The following LITAF variants were observed in gnomAD, a reference collection of about 807,000 sequenced individuals.
LITAF encodes the protein lipopolysaccharide-induced tumor necrosis factor-alpha factor.
In LITAF, 9 loss-of-function variants were observed where a neutral mutation model predicts 14.5. The ratio of observed to expected loss-of-function variants is 0.62; its 90% CI spans 0.37 to 1.08. LITAF has a LOEUF of 1.08. LITAF is among the 50% of genes least tolerant of loss of function. LITAF has a pLI of 0.01. For synonymous variants in LITAF, 98 were observed against 88.2 expected, an observed-to-expected ratio of 1.11 and a Z score of -0.62; for missense variants, 206 against 213.4, an observed-to-expected ratio of 0.97 and a Z score of 0.22.
intron 1 of LITAF, among the ~76,000 whole-genome samples, chr16:11,583,291 TCA>T (rs1181286936): frequency 2.0e-5 from 3 of 152,186 alleles, no homozygotes; most frequent in African/African-American, 7.2e-5. Context: ...TAATGACAAA[TCA>T]CAGTGATTTG....
chr16:11,635,081 AAATAAAAT>A (rs1436808971), intron 2 of LITAF, among the ~76,000 whole-genome samples: 3 of 129,084 alleles, frequency 2.3e-5, no homozygotes, highest in Non-Finnish European at 5.2e-5. Flanking sequence ...AAATAAAATA[AAATAAAAT>A]AAAACTCCAG....
intron 3 of LITAF, among the ~76,000 whole-genome samples, chr16:11,618,977 G>A (rs1468219557): frequency 2.9e-5 from 4 of 139,130 alleles, no homozygotes; most frequent in Admixed American, 2.8e-4. Context: ...AGCTAGACTC[G>A]GTCTTAAAAA....
intron 1 of LITAF, among the ~76,000 whole-genome samples, chr16:11,576,672 C>T (rs2064642066): frequency 6.6e-6 from 1 of 152,038 alleles, no homozygotes; most frequent in South Asian, 2.1e-4. Context: ...GGCTCCATCC[C>T]ACCAACACAA....
chr16:11,619,740 A>T (rs577222346), intron 3 of LITAF, among the ~76,000 whole-genome samples: 3 of 152,170 alleles, frequency 2.0e-5, no homozygotes, highest in East Asian at 1.9e-4. Context: ...TTAATTTTTT[A>T]AAATTTTTCT....
chr16:11,588,318 G>A (rs1221818724), upstream of LITAF, among the ~76,000 whole-genome samples: 1 of 152,012 alleles, frequency 6.6e-6, no homozygotes, highest in Non-Finnish European at 1.5e-5. Flanking sequence ...AACATAGTGA[G>A]ACTCCATCTC....
intron 1 of LITAF, among the ~76,000 whole-genome samples, chr16:11,593,463 T>C (rs553292988): frequency 6.6e-6 from 1 of 151,210 alleles, no homozygotes; most frequent in South Asian, 2.1e-4. Context: ...ATGCTATAGC[T>C]ACTGTTCCAC....
At position 11,634,458 on chromosome 16, in the gene LITAF, T is replaced by C. The variant is rs2065130531; in HGVS notation, c.-20-821A>G. On this transcript the variant is annotated intron_variant, in intron 2 of 3. Coordinates refer to the LITAF transcript ENST00000574848. This position sits in a 1 kb window ranked among gnomAD's most constrained non-coding sequence, Gnocchi z 4.1. Reference sequence around the variant, plus strand: ...AATTCTGCTAAGGTGTAGACATACATGATTACCAGCCATTATTCCAGAGGC... The same window carrying C: ...AATTCTGCTAAGGTGTAGACATACACGATTACCAGCCATTATTCCAGAGGC... 6.6e-6 allele frequency among the ~76,000 whole-genome samples: 1 copy of C among 152,174 alleles called. No homozygotes were observed. The highest frequency in any genetic ancestry group is 2.4e-5 in the African/African-American group (1 of 41,454).
intron 1 of LITAF, among the ~76,000 whole-genome samples, chr16:11,576,554 AAGAG>A (rs1555469758): frequency 8.6e-6 from 1 of 116,642 alleles, no homozygotes; most frequent in Admixed American, 8.4e-5. Context: ...AAAAAAAAAA[AAGAG>A]AGAGAGAAAG....
intron 1 of LITAF, among the ~76,000 whole-genome samples, chr16:11,575,787 T>C (rs938350011): frequency 6.6e-6 from 1 of 152,198 alleles, no homozygotes; most frequent in African/African-American, 2.4e-5. Context: ...CCAGTCTCCA[T>C]AGCTTCTGGT....
intron 1 of LITAF, among the ~76,000 whole-genome samples, chr16:11,593,846 G>A (rs992591821): frequency 6.6e-6 from 1 of 152,252 alleles, no homozygotes; most frequent in African/African-American, 2.4e-5. Flanking sequence ...ATTGGGGGGT[G>A]ACTGCCCAAG....
Position 11,559,469 on chromosome 16 carries a change from T to C in LITAF, c.-5-2734A>G, listed in dbSNP as rs186662124. ...ATCATTTTTTCAATGGTAAATTTGA[T>C]GAACACTGAATATAGATCAAAATGT... On this transcript the variant is annotated intron_variant, in intron 1 of 3. Transcript: ENST00000622633. Among the ~76,000 whole-genome samples, 436 of 152,302 alleles carry C rather than the reference T, an allele frequency of 2.9e-3. 2 individuals carry two copies. Among genetic ancestry groups the C allele is most frequent in the Non-Finnish European group, 2.6e-3 (177 of 68,030 alleles).
intron 1 of LITAF, among the ~76,000 whole-genome samples, chr16:11,571,921 ACT>A (rs1188379743): frequency 6.6e-6 from 1 of 150,898 alleles, no homozygotes; most frequent in East Asian, 2.0e-4. Flanking sequence ...AAATGGCAAA[ACT>A]CTGTCTCTTT....
At chr16:11,633,599 G>A (rs2065127335) in exon 3 of LITAF, 1 of 152,140 alleles carries the variant, frequency 6.6e-6, no homozygotes, top group African/African-American at 2.4e-5. Flanking sequence ...CCAGCACCAT[G>A]ACAGTTTACA....
intron 3 of LITAF, among the ~76,000 whole-genome samples, chr16:11,613,037 T>C (rs1597371377): frequency 6.6e-6 from 1 of 152,080 alleles, no homozygotes; most frequent in Non-Finnish European, 1.5e-5. Flanking sequence ...TTTTTTTTTA[T>C]TTGTTTTTTG....
intron 2 of LITAF, among the ~76,000 whole-genome samples, chr16:11,554,337 T>C (rs1311249927): frequency 2.0e-5 from 3 of 152,076 alleles, no homozygotes; most frequent in Non-Finnish European, 1.5e-5. Context: ...TGACAGCCAA[T>C]GATAAGGGTA....
chr16:11,603,402 T>A (rs543666266), upstream of LITAF, among the ~76,000 whole-genome samples: 6 of 152,340 alleles, frequency 3.9e-5, no homozygotes, highest in Non-Finnish European at 8.8e-5. Flanking sequence ...GGGCTCTGCC[T>A]CCCGAGGGGT....
intron 3 of LITAF, among the ~76,000 whole-genome samples, chr16:11,618,568 G>A (rs1001150642): frequency 1.3e-5 from 2 of 152,224 alleles, no homozygotes; most frequent in Admixed American, 6.5e-5. Context: ...CGCTGTGTGC[G>A]ATGGGCTAAT....
intron 3 of LITAF, among the ~76,000 whole-genome samples, chr16:11,613,739 G>T (rs987589712): frequency 6.6e-6 from 1 of 152,202 alleles, no homozygotes; most frequent in African/African-American, 2.4e-5. Flanking sequence ...GTGCCGGCTA[G>T]GCAGTTCACA....
intron 1 of LITAF, among the ~76,000 whole-genome samples, chr16:11,597,716 C>T (rs2064899172): frequency 6.6e-6 from 1 of 152,172 alleles, no homozygotes; most frequent in Non-Finnish European, 1.5e-5. Flanking sequence ...GAGCCCAACT[C>T]ACAGAACAGA....
Sources: allele counts gnomAD v4.1 joint callset (sites outside exome capture counted in the v4.1 genomes callset), GRCh38; gene constraint gnomAD v4.1.1; non-coding constraint Gnocchi (gnomAD v3.1); transcripts MANE v1.5; gene names NCBI Gene and HGNC (gene_info 2026-07-23, HGNC 2026-07-21).